Variants in SNX24 observed in about 807,000 individuals in gnomAD.
The protein encoded by SNX24 is sorting nexin 24, also known as sorting nexin-24.
Under a neutral mutation model 28.7 loss-of-function variants are expected in SNX24, and 22 were observed. The observed-to-expected ratio is 0.77, with a 90% CI of 0.55 to 1.10. The LOEUF is 1.10. Among genes scored for constraint, SNX24 ranks in the 50% least tolerant of loss-of-function variants. SNX24 has a pLI of 0.00. For synonymous variants in SNX24, 69 were observed against 71.5 expected (o/e 0.96, Z 0.18); for missense variants, 221 against 201.1 (o/e 1.10, Z -0.60).
chr5:122,855,077 CTT>C (rs35771449), intron 1 of SNX24, among the ~76,000 whole-genome samples: 6 of 145,188 alleles, frequency 4.1e-5, no homozygotes, highest in Admixed American at 6.9e-5. Flanking sequence ...TTTCCTTTTC[CTT>C]TTTTTTTTTT....
chr5:122,854,115 T>C (rs775057698), intron 1 of SNX24, among the ~76,000 whole-genome samples: 6 of 152,054 alleles, frequency 3.9e-5, no homozygotes, highest in Non-Finnish European at 8.8e-5. Context: ...TATGAGGCTG[T>C]CCCCAGCACT....
At chr5:123,005,284 C>G (rs1391277020) in intron 6 of SNX24, among the ~76,000 whole-genome samples, 2 of 152,184 alleles carry the variant, frequency 1.3e-5, no homozygotes, top group Non-Finnish European at 2.9e-5. Flanking sequence ...TCTTGGTGGA[C>G]ATACATACAG....
At chr5:122,851,692 C>A (rs1267565264) in intron 1 of SNX24, among the ~76,000 whole-genome samples, 2 of 152,028 alleles carry the variant, frequency 1.3e-5, no homozygotes, top group African/African-American at 4.8e-5. Flanking sequence ...TTATTATGAT[C>A]ATTATTATTT....
At chr5:122,914,454 T>G (rs1383423236) in intron 1 of SNX24, among the ~76,000 whole-genome samples, 1 of 151,804 alleles carries the variant, frequency 6.6e-6, no homozygotes, top group Non-Finnish European at 1.5e-5. Context: ...TTGATTGGAA[T>G]AGTTTCAGAA....
intron 1 of SNX24, among the ~76,000 whole-genome samples, chr5:122,852,894 C>T (rs532721195): frequency 1.5e-4 from 23 of 152,188 alleles, no homozygotes; most frequent in African/African-American, 5.3e-4. Flanking sequence ...CCAAACCCCT[C>T]AGGCATCACA....
chr5:123,018,486 C>T (rs953097515), intron 5 of SNX24, among the ~76,000 whole-genome samples: 4 of 152,108 alleles, frequency 2.6e-5, no homozygotes, highest in Non-Finnish European at 5.9e-5. Flanking sequence ...GTAGTTTTAA[C>T]AGCGCTTTGA....
chr5:122,936,735 T>C lies in SNX24; in HGVS notation c.62T>C (p.Val21Ala). ...TAATCTTTTAAATTTTTTCCTCAGG[T>C]GTTTAAGATAGAAGTGCTAATGAAT... ...EESDLERGYT[V>A]FKIEVLMNGR... The change falls in exon 2 of 7, where the codon GTG (valine) becomes GCG (alanine). Residue 21 changes from valine (V) to alanine (A), a missense_variant and splice_region_variant. Physicochemically the swap from Val to Ala is moderately conservative, Grantham distance 64. Coordinates refer to ENST00000261369, the MANE Select transcript of SNX24 (RefSeq NM_014035.4). The C allele has an allele frequency of 6.4e-7, 1 of 1,558,588 alleles. No homozygotes were observed.
At chr5:122,846,092 A>C (rs12518979) in intron 1 of SNX24, among the ~76,000 whole-genome samples, 122,595 of 152,070 alleles carry the variant, frequency 0.81, 50,192 homozygotes, top group East Asian at 0.99. Context: ...CTGTACAATT[A>C]GTTCAGCTGG....
Position 122,993,115 on chromosome 5 carries a change from T to C in SNX24, c.250-6797T>C, listed in dbSNP as rs957266998. 5.9e-5 allele frequency among the ~76,000 whole-genome samples: 9 copies of C among 152,254 alleles called. No individual in the cohort carries two copies. The East Asian group carries it at 1.7e-3, about 29-fold the overall frequency. The stretch of plus-strand genomic sequence containing the variant: ...TACTCTATAAAGCCCTGTGAAACCA[T>C]AGCAGATATCCATTTGAATTCCTTG... On this transcript the variant is annotated intron_variant, in intron 3 of 6. Coordinates refer to ENST00000261369, the MANE Select transcript of SNX24 (RefSeq NM_014035.4).
intron 3 of SNX24, among the ~76,000 whole-genome samples, chr5:122,974,655 C>G (rs981611514): frequency 6.6e-6 from 1 of 152,238 alleles, no homozygotes; most frequent in Non-Finnish European, 1.5e-5. Flanking sequence ...CACTGTCATT[C>G]TCCAAAATCC....
chr5:122,856,077 A>C (rs1755176499), intron 1 of SNX24, among the ~76,000 whole-genome samples: 1 of 152,180 alleles, frequency 6.6e-6, no homozygotes, highest in Non-Finnish European at 1.5e-5. Flanking sequence ...AGTAATGGGC[A>C]TAGTACCCAA....
chr5:123,026,319 T>A (rs1440180086), intron 5 of SNX24, among the ~76,000 whole-genome samples: 3 of 152,006 alleles, frequency 2.0e-5, no homozygotes, highest in Non-Finnish European at 2.9e-5. Flanking sequence ...GATGAAAAGG[T>A]GTTTGAGCCA....
chr5:123,002,472 A>G (rs962412659), intron 6 of SNX24, among the ~76,000 whole-genome samples: 1 of 152,182 alleles, frequency 6.6e-6, no homozygotes, highest in Non-Finnish European at 1.5e-5. Flanking sequence ...CTCTACTAAA[A>G]ATACAAAAAA....
intron 3 of SNX24, among the ~76,000 whole-genome samples, chr5:122,950,115 A>G (rs564587213): frequency 2.6e-5 from 4 of 152,330 alleles, no homozygotes; most frequent in Non-Finnish European, 4.4e-5. Context: ...AGAATTAAGT[A>G]TAACAGTACC....
chr5:123,026,806 C>G (rs1561748991), intron 5 of SNX24, among the ~76,000 whole-genome samples: 1 of 152,190 alleles, frequency 6.6e-6, no homozygotes, highest in Non-Finnish European at 1.5e-5. Context: ...ATCTGACCAT[C>G]CTCCAATACC....
At chr5:122,922,890 A>G (rs956659263) in intron 1 of SNX24, among the ~76,000 whole-genome samples, 1 of 152,202 alleles carries the variant, frequency 6.6e-6, no homozygotes, top group East Asian at 1.9e-4. Flanking sequence ...GACTTCAGAC[A>G]CCTTGAATAG....
At chr5:123,022,680 C>T (rs1762779112) in intron 5 of SNX24, 1 of 152,272 alleles carries the variant, frequency 6.6e-6, no homozygotes, top group Non-Finnish European at 1.5e-5. Context: ...ATAGATACCC[C>T]ATCAGTATAG....
chr5:123,014,331 T>G (rs10037040), intron 5 of SNX24, among the ~76,000 whole-genome samples: 40,072 of 126,252 alleles, frequency 0.32, 6,915 homozygotes, highest in Admixed American at 0.37. Context: ...TGTGCCCAGC[T>G]GATTTTTTTT....
In SNX24 at chr5:123,028,955, G is replaced by T. The variant is rs892923780; in HGVS notation, n.384-283G>T. 5.1e-6 allele frequency: 6 copies of T among 1,186,762 alleles called. No homozygotes were observed. In the African/African-American group the frequency reaches 6.2e-5, roughly 12 times the overall value. 73.5% of individuals were successfully genotyped at this position (1,186,762 alleles called of 1,614,324 possible). ...TGTTGATCTAGAAAGGACAAACTGA[G>T]AAAATTAAACAAAATGCCTACAGAA... On this transcript the variant is annotated intron_variant and non_coding_transcript_variant, in intron 5 of 5. Coordinates refer to the SNX24 transcript ENST00000502387.
Sources: gnomAD v4.1 joint callset for allele counts (sites outside exome capture counted in the v4.1 genomes callset) on GRCh38, gnomAD v4.1.1 for gene constraint, MANE v1.5 for transcripts, NCBI Gene and HGNC (gene_info 2026-07-23, HGNC 2026-07-21) for gene names.